Variants in KIAA1549L observed in about 807,000 individuals in gnomAD.
KIAA1549L encodes the protein KIAA1549 like.
In KIAA1549L, 88 loss-of-function variants were observed where a neutral mutation model predicts 160.7. That is an observed-to-expected ratio of 0.55 (90% confidence interval 0.46 to 0.65). The LOEUF is 0.65. Among genes scored for constraint, KIAA1549L ranks in the 30% least tolerant of loss-of-function variants. KIAA1549L has a pLI of 0.00. For synonymous variants in KIAA1549L, 950 were observed against 976.7 expected (o/e 0.97, Z 0.51); for missense variants, 2,258 against 2,437.5 (o/e 0.93, Z 1.55).
intron 1 of KIAA1549L, among the ~76,000 whole-genome samples, chr11:33,483,722 A>T (rs1028102812): frequency 1.3e-5 from 2 of 152,042 alleles, no homozygotes; most frequent in Admixed American, 6.5e-5. Flanking sequence ...AAGTCTTATG[A>T]GCTCTGATGG....
intron 16 of KIAA1549L, among the ~76,000 whole-genome samples, chr11:33,627,644 CT>C (rs1407178412): frequency 1.3e-5 from 2 of 152,092 alleles, no homozygotes; most frequent in African/African-American, 2.4e-5. Context: ...TGATTCTTCT[CT>C]TTTTTTCTTT....
chr11:33,415,648 A>C (rs1321161018), intron 1 of KIAA1549L, among the ~76,000 whole-genome samples: 1 of 152,096 alleles, frequency 6.6e-6, no homozygotes, highest in Non-Finnish European at 1.5e-5. Flanking sequence ...GCGCAGGTGG[A>C]TACGGTCATT....
rs547940598 is a variant in KIAA1549L at position 33,437,055 on chromosome 11, T to C, written c.238+60166T>C. Among the ~76,000 whole-genome samples the C allele has an allele frequency of 4.2e-4, 64 of 152,398 alleles. No homozygotes were observed. The Middle Eastern group carries it at 0.014, about 32-fold the overall frequency. ...ACTTAAGTACTCTATGCGGTAGTTA[T>C]AGCTGTCTCATCTTGTCAGCATTAT... On this transcript the variant is annotated intron_variant, in intron 1 of 20. Transcript: ENST00000658780.
chr11:33,464,246 A>G (rs1316246746), intron 1 of KIAA1549L, among the ~76,000 whole-genome samples: 2 of 152,180 alleles, frequency 1.3e-5, no homozygotes, highest in Non-Finnish European at 2.9e-5. Flanking sequence ...GTTCTATGTC[A>G]TTTGTTAATT....
intron 8 of KIAA1549L, among the ~76,000 whole-genome samples, chr11:33,563,797 TG>T (rs950134314): frequency 6.6e-6 from 1 of 152,170 alleles, no homozygotes; most frequent in Non-Finnish European, 1.5e-5. Flanking sequence ...CAAGGAATGG[TG>T]TTTTTTTTAA....
intron 1 of KIAA1549L, among the ~76,000 whole-genome samples, chr11:33,419,765 T>C (rs1850961981): frequency 6.6e-6 from 1 of 152,034 alleles, no homozygotes; most frequent in Non-Finnish European, 1.5e-5. Context: ...GAGAATCGTT[T>C]GAACCCAGGA....
At chr11:33,438,766 C>A (rs1851431088) in intron 1 of KIAA1549L, among the ~76,000 whole-genome samples, 1 of 151,388 alleles carries the variant, frequency 6.6e-6, no homozygotes, top group Non-Finnish European at 1.5e-5. Context: ...TGGAAGACTT[C>A]TTGTGGGATG....
intron 16 of KIAA1549L, among the ~76,000 whole-genome samples, chr11:33,641,338 G>A (rs1269109760): frequency 3.3e-5 from 5 of 152,062 alleles, no homozygotes; most frequent in Non-Finnish European, 7.4e-5. Context: ...TATGGAAGGA[G>A]ACAGATAACA....
chr11:33,647,397 A>AG (rs149956795), intron 17 of KIAA1549L, among the ~76,000 whole-genome samples: 1 of 141,152 alleles, frequency 7.1e-6, no homozygotes, highest in Non-Finnish European at 1.6e-5. Context: ...AAAAAAAAAA[A>AG]GAATATTCAT....
intron 8 of KIAA1549L, among the ~76,000 whole-genome samples, chr11:33,567,458 G>A (rs1441512663): frequency 2.0e-5 from 3 of 152,202 alleles, no homozygotes; most frequent in Non-Finnish European, 4.4e-5. Flanking sequence ...CTTCTTGAAT[G>A]AGAGAGCATC....
intron 1 of KIAA1549L, among the ~76,000 whole-genome samples, chr11:33,531,316 T>A (rs1969669): frequency 0.099 from 15,104 of 151,980 alleles, 1,044 homozygotes; most frequent in East Asian, 0.31. Flanking sequence ...CTACTAAAAA[T>A]ACAAAAAATT....
At chr11:33,497,960 C>T (rs1222402609) in intron 1 of KIAA1549L, among the ~76,000 whole-genome samples, 2 of 152,160 alleles carry the variant, frequency 1.3e-5, no homozygotes, top group African/African-American at 2.4e-5. Context: ...GGAAAACTTA[C>T]TGGAGTTTCT....
chr11:33,624,142 C>G (rs1371398943), intron 16 of KIAA1549L, among the ~76,000 whole-genome samples: 4 of 152,216 alleles, frequency 2.6e-5, no homozygotes, highest in Non-Finnish European at 5.9e-5. Flanking sequence ...CATGGAGGCT[C>G]TGCAGCTCAG....
intron 1 of KIAA1549L, among the ~76,000 whole-genome samples, chr11:33,480,750 CTT>C (rs1217148643): frequency 6.6e-6 from 1 of 152,196 alleles, no homozygotes; most frequent in African/African-American, 2.4e-5. Flanking sequence ...GTGCCAGACT[CTT>C]TGCAGTCTTT....
rs539562789 is a variant in KIAA1549L, at chr11:33,380,986, A to C, written c.238+4097A>C. Among the ~76,000 whole-genome samples, 5 of 152,046 alleles carry C rather than the reference A, an allele frequency of 3.3e-5. No homozygotes were observed. The East Asian group carries it at 9.8e-4, about 30-fold the overall frequency. ...TCTGAGGTAACAGTAATGAACAAAA[A>C]CAAGGCCTGTTCTCACAGGGATTAG... On this transcript the variant is annotated intron_variant, in intron 1 of 20. Coordinates refer to ENST00000658780, the MANE Select transcript of KIAA1549L (RefSeq NM_012194.3).
At position 33,543,171 on chromosome 11, in the gene KIAA1549L, T is replaced by G; in HGVS notation, c.1608T>G (p.Pro536=). The G allele has an allele frequency of 6.2e-7, 1 of 1,613,946 alleles. No individual in the cohort carries two copies. Among genetic ancestry groups the G allele is most frequent in the Non-Finnish European group, 8.5e-7 (1 of 1,179,894 alleles). Residue 536 remains proline, a synonymous_variant, in exon 2 of 21, where the codon CCT becomes CCG. Transcript: ENST00000658780. ...CAGAGGGCAGTGATGGGTCCCCTCC[T>G]GCAACTAGAGACTTGCTCCTCTCAA... ...LPAEGSDGSP[P]ATRDLLLSSK... is the part of the protein sequence containing the mutation.
chr11:33,625,980 C>T (rs1369309872), intron 16 of KIAA1549L, among the ~76,000 whole-genome samples: 1 of 149,836 alleles, frequency 6.7e-6, no homozygotes, highest in Non-Finnish European at 1.5e-5. Context: ...CTACATATGG[C>T]TAGCCAGTTT....
chr11:33,466,164 T>C (rs1297959874), intron 1 of KIAA1549L, among the ~76,000 whole-genome samples: 1 of 152,030 alleles, frequency 6.6e-6, no homozygotes, highest in Non-Finnish European at 1.5e-5. Flanking sequence ...CAAAAGAAAG[T>C]ATCATCAGAG....
chr11:33,421,952 T>C (rs946570939), intron 1 of KIAA1549L, among the ~76,000 whole-genome samples: 6 of 152,146 alleles, frequency 3.9e-5, no homozygotes, highest in African/African-American at 1.4e-4. Flanking sequence ...TCCTAACAAG[T>C]TTCCAGATGC....
Sources: allele counts gnomAD v4.1 joint callset (sites outside exome capture counted in the v4.1 genomes callset), GRCh38; gene constraint gnomAD v4.1.1; transcripts MANE v1.5; gene names NCBI Gene and HGNC (gene_info 2026-07-23, HGNC 2026-07-21).